Variants in FRMD6 observed in about 807,000 individuals in gnomAD.
FRMD6 encodes FERM domain containing 6.
FRMD6 carries 37 observed loss-of-function variants against 73.2 expected under a neutral mutation model. That is an observed-to-expected ratio of 0.51 (90% CI 0.39 to 0.66). FRMD6 has a LOEUF of 0.66. Ranked by LOEUF, FRMD6 falls within the 30% of genes least tolerant of loss-of-function variation. FRMD6 has a pLI of 0.00. For missense variants in FRMD6, 714 were observed against 780.5 expected (o/e 0.91, Z 1.02); for synonymous variants, 273 against 282.2 (o/e 0.97, Z 0.33).
chr14:51,668,154 G>A (rs1893735368), intron 1 of FRMD6, among the ~76,000 whole-genome samples: 1 of 152,060 alleles, frequency 6.6e-6, no homozygotes, highest in South Asian at 2.1e-4. Context: ...CACATTATCA[G>A]TCATTTGTTC....
chr14:51,607,075 C>G (rs1051625022), intron 2 of FRMD6, among the ~76,000 whole-genome samples: 11 of 152,066 alleles, frequency 7.2e-5, no homozygotes, highest in African/African-American at 2.2e-4. Context: ...TGGGTCTTCC[C>G]CCACTACTCC....
chr14:51,564,259 G>A (rs1360744371), intron 1 of FRMD6, among the ~76,000 whole-genome samples: 1 of 152,142 alleles, frequency 6.6e-6, no homozygotes, highest in African/African-American at 2.4e-5. Flanking sequence ...CTTCTCATTA[G>A]GACCAGGGAA....
chr14:51,723,963 G>A (rs890820785), intron 12 of FRMD6: 2 of 151,856 alleles, frequency 1.3e-5, no homozygotes, highest in African/African-American at 2.4e-5. Flanking sequence ...TTTTAAAAAC[G>A]TAAAACTATT....
chr14:51,569,795 C>G (rs1220289221), intron 1 of FRMD6, among the ~76,000 whole-genome samples: 1 of 149,768 alleles, frequency 6.7e-6, no homozygotes, highest in Non-Finnish European at 1.5e-5. Flanking sequence ...AGGCATCATG[C>G]CCGGCCAGAA....
At chr14:51,696,361 A>G (rs923780780) in intron 2 of FRMD6, among the ~76,000 whole-genome samples, 2 of 151,280 alleles carry the variant, frequency 1.3e-5, no homozygotes, top group African/African-American at 4.8e-5. Context: ...CATTTGAGAA[A>G]GCATTATTAT....
the FRMD6 span, among the ~76,000 whole-genome samples, chr14:51,400,207 G>T: frequency 2.0e-5 from 3 of 152,162 alleles, no homozygotes; most frequent in African/African-American, 7.2e-5. Flanking sequence ...TAAGTCACCA[G>T]AACGTATTCC....
chr14:51,567,899 AG>A (rs1887865774), intron 1 of FRMD6, among the ~76,000 whole-genome samples: 1 of 152,232 alleles, frequency 6.6e-6, no homozygotes, highest in South Asian at 2.1e-4. Context: ...AAATGTTTGC[AG>A]TTGGTATTTT....
chr14:51,728,869 C>A lies in FRMD6; in HGVS notation c.*840C>A, dbSNP rs1413211206. ...GCTTTATTTGTTTAATTATCAAGAA[C>A]AAATTATGGCAATGCTAGTTTCTGC... On this transcript the variant is annotated 3_prime_UTR_variant, in exon 14 of 14. Coordinates refer to ENST00000344768, the MANE Select transcript of FRMD6 (RefSeq NM_001267046.2). 6.6e-6 allele frequency: 1 copy of A among 152,156 alleles called. No homozygotes were observed. Among genetic ancestry groups the A allele is most frequent in the Admixed American group, 6.5e-5 (1 of 15,268 alleles). 9.4% of individuals were successfully genotyped at this position (152,156 alleles called of 1,614,324 possible).
At chr14:51,582,467 A>C (rs997712368) in intron 2 of FRMD6, among the ~76,000 whole-genome samples, 7 of 152,184 alleles carry the variant, frequency 4.6e-5, no homozygotes, top group African/African-American at 1.7e-4. Flanking sequence ...TAACCACACC[A>C]TTTTGTGGCT....
chr14:51,468,260 C>T, the FRMD6 span, among the ~76,000 whole-genome samples: 2 of 125,086 alleles, frequency 1.6e-5, no homozygotes, highest in Non-Finnish European at 3.2e-5. Context: ...AGCCTCGGCT[C>T]GGCATCAGAG....
At chr14:51,417,717 G>A in the FRMD6 span, among the ~76,000 whole-genome samples, 6 of 152,184 alleles carry the variant, frequency 3.9e-5, no homozygotes, top group Admixed American at 1.3e-4. Context: ...GGTAGGGGAA[G>A]TTCTCCTGGA....
intron 1 of FRMD6, among the ~76,000 whole-genome samples, chr14:51,512,398 G>A (rs1193461649): frequency 6.6e-6 from 1 of 152,096 alleles, no homozygotes; most frequent in Non-Finnish European, 1.5e-5. Context: ...TATGATGAAG[G>A]GTGTAGATGC....
chr14:51,613,322 G>T (rs984848216), intron 2 of FRMD6, among the ~76,000 whole-genome samples: 6 of 152,104 alleles, frequency 3.9e-5, no homozygotes, highest in Non-Finnish European at 1.5e-5. Context: ...TGCATGTGTG[G>T]GTGTGGTGAG....
the FRMD6 span, among the ~76,000 whole-genome samples, chr14:51,432,976 C>A: frequency 1.3e-5 from 2 of 152,220 alleles, no homozygotes; most frequent in Non-Finnish European, 2.9e-5. Context: ...CTTGTTCACA[C>A]TCACTCATAA....
At chr14:51,468,910 G>A in the FRMD6 span, among the ~76,000 whole-genome samples, 1 of 152,094 alleles carries the variant, frequency 6.6e-6, no homozygotes, top group Non-Finnish European at 1.5e-5. Flanking sequence ...TTAATATGGT[G>A]AATTACATTT....
At chr14:51,594,650 A>T (rs1889610752) in intron 2 of FRMD6, among the ~76,000 whole-genome samples, 1 of 151,808 alleles carries the variant, frequency 6.6e-6, no homozygotes, top group Admixed American at 6.6e-5. Flanking sequence ...TTTAGTAGAG[A>T]TGGGGTTTCA....
At chr14:51,527,566 T>C (rs1885327963) in intron 1 of FRMD6, among the ~76,000 whole-genome samples, 2 of 152,188 alleles carry the variant, frequency 1.3e-5, no homozygotes, top group Admixed American at 1.3e-4. Flanking sequence ...AGAAACAACA[T>C]TCCCAATGGG....
chr14:51,422,149 A>G, the FRMD6 span, among the ~76,000 whole-genome samples: 1 of 152,198 alleles, frequency 6.6e-6, no homozygotes, highest in Admixed American at 6.5e-5. Context: ...TAAAATATAT[A>G]TCATCATCAT....
chr14:51,642,319 C>T (rs997604119), intron 2 of FRMD6, among the ~76,000 whole-genome samples: 2 of 152,176 alleles, frequency 1.3e-5, no homozygotes, highest in African/African-American at 4.8e-5. Flanking sequence ...GTGGGGGCAT[C>T]ACCTGAGGTC....
Sources: allele counts gnomAD v4.1 joint callset (sites outside exome capture counted in the v4.1 genomes callset), GRCh38; gene constraint gnomAD v4.1.1; transcripts MANE v1.5; gene names NCBI Gene and HGNC (gene_info 2026-07-23, HGNC 2026-07-21).